The following DDX52 variants were observed in gnomAD, a reference collection of about 807,000 sequenced individuals.
DDX52 encodes the protein probable ATP-dependent RNA helicase DDX52.
A neutral mutation model predicts 76.1 loss-of-function variants in DDX52; 59 were observed. The observed-to-expected ratio is 0.78, with a 90% CI of 0.63 to 0.96. The LOEUF is 0.96. DDX52 is among the 40% of genes least tolerant of loss of function. DDX52 has a pLI of 0.00. For synonymous variants in DDX52, 231 were observed against 244.1 expected, an observed-to-expected ratio of 0.95 and a Z score of 0.50; for missense variants, 707 against 703.9, an observed-to-expected ratio of 1.00 and a Z score of -0.05.
chr17:37,627,094 T>C (rs183312163), intron 6 of DDX52, among the ~76,000 whole-genome samples: 3 of 152,350 alleles, frequency 2.0e-5, no homozygotes, highest in Admixed American at 6.5e-5. Context: ...TGTGTGATCA[T>C]AGCTCACTGC....
Position 37,610,587 on chromosome 17 carries a change from T to A in DDX52, c.*3709A>T, listed in dbSNP as rs1449737262. The A allele has an allele frequency of 2.6e-5, 4 of 152,196 alleles. No individual in the cohort carries two copies. The highest frequency in any genetic ancestry group is 5.9e-5 in the Non-Finnish European group (4 of 68,032). The allele number at this position is 152,196 out of a possible 1,614,324, so 9.4% of individuals were successfully genotyped here. ...GTTTTTACTGGGTAATAATTTGTAA[T>A]AAGTTATTAGGCACAAACCACTGGT... On this transcript the variant is annotated 3_prime_UTR_variant, in exon 15 of 15. Coordinates refer to ENST00000617633, the MANE Select transcript of DDX52 (RefSeq NM_007010.5).
intron 2 of DDX52, among the ~76,000 whole-genome samples, chr17:37,637,849 C>T (rs2031003944): frequency 6.6e-6 from 1 of 151,980 alleles, no homozygotes; most frequent in African/African-American, 2.4e-5. Flanking sequence ...GCTGGGATTA[C>T]AAGCATGAGC....
intron 13 of DDX52, among the ~76,000 whole-genome samples, chr17:37,618,873 G>A (rs1307645698): frequency 6.6e-6 from 1 of 152,184 alleles, no homozygotes; most frequent in Non-Finnish European, 1.5e-5. Context: ...GATTTACAGA[G>A]CTAACTCAAA....
rs2147316480 is a variant in DDX52 at position 37,610,752 on chromosome 17, A to T, written c.*3544T>A. The T allele has an allele frequency of 6.6e-6, 1 of 152,300 alleles. No individual in the cohort carries two copies. Among genetic ancestry groups the T allele is most frequent in the Non-Finnish European group, 1.5e-5 (1 of 68,034 alleles). 9.4% of individuals were successfully genotyped at this position (152,300 alleles called of 1,614,324 possible). A position where few individuals can be genotyped will look rare whatever the true frequency, so the allele number is the denominator to read the frequency against. ...ACAGCTACAAGCAATGAGGATCAGG[A>T]TTCAAATCCAGGCCAGTTTGACTCT... On this transcript the variant is annotated 3_prime_UTR_variant, in exon 15 of 15. Transcript: ENST00000617633.
chr17:37,610,071 GT>G lies in DDX52; in HGVS notation c.*4224del. 1 of 151,678 alleles carries G rather than the reference GT, an allele frequency of 6.6e-6. No individual in the cohort carries two copies. Among genetic ancestry groups the G allele is most frequent in the Non-Finnish European group, 1.5e-5 (1 of 68,012 alleles). 9.4% of individuals were successfully genotyped at this position (151,678 alleles called of 1,614,324 possible). On this transcript the variant is annotated 3_prime_UTR_variant, in exon 15 of 15. Coordinates refer to ENST00000617633, the MANE Select transcript of DDX52 (RefSeq NM_007010.5). The stretch of plus-strand genomic sequence containing the variant: ...TCTTGCAGGCAAGTGCAAAACAGTG[GT>G]TTTTGGAAGGCAATTCATAATTACT...
intron 14 of DDX52, 29 bp downstream of exon 14, chr17:37,618,263 A>G: frequency 6.4e-7 from 1 of 1,557,270 alleles, no homozygotes; most frequent in Non-Finnish European, 8.7e-7. Flanking sequence ...GATGGTGTCA[A>G]ACAGCCATTT....
At chr17:37,636,383 C>T (rs1468385121) in intron 2 of DDX52, among the ~76,000 whole-genome samples, 1 of 152,170 alleles carries the variant, frequency 6.6e-6, no homozygotes, top group Non-Finnish European at 1.5e-5. Flanking sequence ...AACTAATTGA[C>T]CATATATGCA....
rs1248547004 is a variant in DDX52, at chr17:37,624,413, T to C, written c.1158A>G (p.Val386=). 6 of 1,604,302 alleles carry C rather than the reference T, an allele frequency of 3.7e-6. No individual in the cohort carries two copies. The highest frequency in any genetic ancestry group is 5.1e-6 in the Non-Finnish European group (6 of 1,173,762). Residue 386 remains valine, a synonymous_variant, in exon 9 of 15, where the codon GTA becomes GTG. Transcript: ENST00000617633. The part of the protein sequence containing the change: ...IGARNSAVET[V]EQELLFVGSE... Reference sequence around the variant, plus strand: ...ATCCAACAAAGAGAAGCTCTTGTTCTACAGTTTCTACTGCAGAATTCCTGG... The same window carrying C: ...ATCCAACAAAGAGAAGCTCTTGTTCCACAGTTTCTACTGCAGAATTCCTGG...
rs190509100 is a variant in DDX52, at chr17:37,614,077, A to G, written c.*219T>C. On this transcript the variant is annotated 3_prime_UTR_variant, in exon 15 of 15. Transcript: ENST00000617633. ...CAGGAGTTCAAGACCAGCCTGGACA[A>G]CATGGCAAGACCCTCATCTCTACAG... 10 of 497,668 alleles carry G rather than the reference A, an allele frequency of 2.0e-5. No individual in the cohort carries two copies. The East Asian group carries it at 3.6e-4, about 18-fold the overall frequency. The allele number at this position is 497,668 out of a possible 1,614,324, so 30.8% of individuals were successfully genotyped here.
intron 4 of DDX52, among the ~76,000 whole-genome samples, chr17:37,630,614 G>A (rs186756901): frequency 6.6e-6 from 1 of 151,064 alleles, no homozygotes; most frequent in Non-Finnish European, 1.5e-5. Flanking sequence ...TAATTTACAG[G>A]AGACAATTTT....
At chr17:37,614,448 CCTA>C (rs1213323758) in intron 14 of DDX52, 95 bp from the exon 15 acceptor site, 5 of 1,196,316 alleles carry the variant, frequency 4.2e-6, no homozygotes, top group African/African-American at 3.1e-5. Flanking sequence ...TTTACTGAAA[CCTA>C]CTGTGTATCA....
chr17:37,639,740 C>CAAA (rs35776677), intron 2 of DDX52, among the ~76,000 whole-genome samples: 1 of 108,612 alleles, frequency 9.2e-6, no homozygotes, highest in Non-Finnish European at 1.9e-5. Flanking sequence ...GACTCAGTCT[C>CAAA]AAAAAAAAAA....
intron 5 of DDX52, 92 bp from the exon 6 acceptor site, chr17:37,628,764 AAC>A: frequency 2.2e-6 from 2 of 907,292 alleles, no homozygotes; most frequent in Non-Finnish European, 3.3e-6. Context: ...ATCTATTACC[AAC>A]CCATGAATAT....
Position 37,624,406 on chromosome 17 carries a change from C to CT in DDX52, c.1164dup (p.Glu389ArgfsTer8). On this transcript the variant is annotated frameshift_variant, in exon 9 of 15. Transcript: ENST00000617633. LOFTEE classifies it high-confidence loss of function. ...GTCTCAGATCCAACAAAGAGAAGCTCTTGTTCTACAGTTTCTACTGCAGAA... is the reference window on the plus strand; with the variant it reads ...GTCTCAGATCCAACAAAGAGAAGCTCTTTGTTCTACAGTTTCTACTGCAGAA... 6.2e-7 allele frequency: 1 copy of CT among 1,607,002 alleles called. No individual in the cohort carries two copies. Among genetic ancestry groups the CT allele is most frequent in the Non-Finnish European group, 8.5e-7 (1 of 1,175,424 alleles).
At chr17:37,640,684 C>T (rs1467891687) in intron 2 of DDX52, among the ~76,000 whole-genome samples, 2 of 74,798 alleles carry the variant, frequency 2.7e-5, no homozygotes, top group South Asian at 9.3e-4. Flanking sequence ...GAGTACAGTA[C>T]AAGAAAAAAA....
In DDX52 at chr17:37,624,381, G is replaced by A. The variant is rs755709079; in HGVS notation, c.1190C>T (p.Thr397Ile). The stretch of plus-strand genomic sequence containing the variant: ...TTCTCTCACGGCCAGAAGTTTTCCG[G>A]TCTCAGATCCAACAAAGAGAAGCTC... ...EQELLFVGSE[T>I]GKLLAVRELV... Residue 397 changes from threonine to isoleucine, a missense_variant, in exon 9 of 15, where the codon ACC becomes ATC. By Grantham distance (89) the Thr-to-Ile change is moderately conservative. Coordinates refer to ENST00000617633, the MANE Select transcript of DDX52 (RefSeq NM_007010.5). The A allele has an allele frequency of 2.5e-6, 4 of 1,608,312 alleles. No homozygotes were observed. Among genetic ancestry groups the A allele is most frequent in the African/African-American group, 1.3e-5 (1 of 74,890 alleles).
chr17:37,633,163 A>C, intron 3 of DDX52, 125 bp downstream of exon 3: 2 of 1,064,004 alleles, frequency 1.9e-6, no homozygotes, highest in South Asian at 4.7e-5. Context: ...AATCTAAATG[A>C]ATGTAATTAA....
intron 2 of DDX52, among the ~76,000 whole-genome samples, chr17:37,641,333 C>T (rs2031187928): frequency 6.6e-6 from 1 of 150,872 alleles, no homozygotes; most frequent in South Asian, 2.1e-4. Context: ...ACCCAGGAGG[C>T]GGAGCTTGCA....
intron 2 of DDX52, 73 bp downstream of exon 2, chr17:37,642,037 G>T: frequency 6.4e-7 from 1 of 1,572,344 alleles, no homozygotes; most frequent in Non-Finnish European, 8.7e-7. Context: ...CTGACTTGTA[G>T]CCATAAGCCT....
Sources: allele counts gnomAD v4.1 joint callset (sites outside exome capture counted in the v4.1 genomes callset), GRCh38; gene constraint gnomAD v4.1.1; transcripts MANE v1.5; gene names NCBI Gene and HGNC (gene_info 2026-07-23, HGNC 2026-07-21).